ASTN2: variants seen among roughly 807,000 people sequenced by gnomAD.
The protein encoded by ASTN2 is astrotactin-2.
A neutral mutation model predicts 139.8 loss-of-function variants in ASTN2; 54 were observed. The ratio of observed to expected loss-of-function variants is 0.39; its 90% CI spans 0.31 to 0.48. The LOEUF (loss-of-function observed/expected upper bound fraction) is 0.48, where lower values mean the gene tolerates loss of function less well. Ranked by LOEUF, ASTN2 falls within the 20% of genes least tolerant of loss-of-function variation. The pLI is 0.95. For missense variants in ASTN2, 1,565 were observed against 1,725.1 expected, an observed-to-expected ratio of 0.91 and a Z score of 1.64; for synonymous variants, 756 against 719.5, an observed-to-expected ratio of 1.05 and a Z score of -0.81.
Position 117,060,501 on chromosome 9 carries a change from GAAA to G in ASTN2, c.1277-20539_1277-20537del, listed in dbSNP as rs1402956964. 6.8e-4 allele frequency among the ~76,000 whole-genome samples: 58 copies of G among 84,844 alleles called. 6 individuals are homozygous for G. The highest frequency in any genetic ancestry group is 5.4e-3 in the Middle Eastern group (1 of 186). 55.7% of individuals were successfully genotyped at this position (84,844 alleles called of 152,430 possible). A position where few individuals can be genotyped will look rare whatever the true frequency, so the allele number is the denominator to read the frequency against. ...GGAAGGAAGGAATGAAAGAAAGAAAGAAAGAAAGAAAGGAAGGAAGGAAGGAAG... is the reference window on the plus strand; with the variant it reads ...GGAAGGAAGGAATGAAAGAAAGAAAGGAAAGAAAGGAAGGAAGGAAGGAAG... On this transcript the variant is annotated intron_variant, in intron 5 of 22. Coordinates refer to ENST00000313400, the MANE Select transcript of ASTN2 (RefSeq NM_001365068.1).
chr9:117,120,012 GTGTGTGTATATATATATATA>G (rs1184088106), intron 4 of ASTN2, among the ~76,000 whole-genome samples: 4 of 68,780 alleles, frequency 5.8e-5, no homozygotes, highest in East Asian at 6.5e-4. Context: ...GTGTGTGTGT[GTGTGTGTATATATATATATA>G]TATATATATA....
intron 2 of ASTN2, among the ~76,000 whole-genome samples, chr9:117,258,987 T>G (rs578187662): frequency 3.3e-5 from 5 of 152,190 alleles, no homozygotes; most frequent in Non-Finnish European, 7.3e-5. Flanking sequence ...GCCAAGACAT[T>G]TCAAGTTTCT....
At chr9:116,776,837 G>A (rs1564261034) in intron 13 of ASTN2, among the ~76,000 whole-genome samples, 1 of 152,100 alleles carries the variant, frequency 6.6e-6, no homozygotes. Flanking sequence ...GGACGAATGT[G>A]CCCAGAGATA....
intron 20 of ASTN2, among the ~76,000 whole-genome samples, chr9:116,454,291 A>G (rs1848261023): frequency 6.6e-6 from 1 of 152,238 alleles, no homozygotes; most frequent in Non-Finnish European, 1.5e-5. Flanking sequence ...GTAGAATTTG[A>G]TAACAGAGAT....
intron 1 of ASTN2, among the ~76,000 whole-genome samples, chr9:117,360,600 C>T (rs963217125): frequency 4.6e-5 from 7 of 152,124 alleles, no homozygotes; most frequent in South Asian, 2.1e-4. Flanking sequence ...AATAACATAT[C>T]GTATGAGCTG....
intron 10 of ASTN2, among the ~76,000 whole-genome samples, chr9:116,879,648 T>A (rs1833401516): frequency 6.6e-6 from 1 of 152,138 alleles, no homozygotes; most frequent in Non-Finnish European, 1.5e-5. Context: ...AAACAGAGGG[T>A]CTGGAACACT....
In ASTN2 at chr9:116,698,319, C is replaced by T. The variant is rs568433214; in HGVS notation, c.2806+27452G>A. 11 of 1,614,118 alleles carry T rather than the reference C, an allele frequency of 6.8e-6. No individual in the cohort carries two copies. Among genetic ancestry groups the T allele is most frequent in the East Asian group, 6.7e-5 (3 of 44,874 alleles). On this transcript the variant is annotated intron_variant, in intron 16 of 22. Transcript: ENST00000313400. The surrounding 1 kb of genome is among the most constrained non-coding windows in gnomAD (Gnocchi z 4.4). Reference sequence around the variant, plus strand: ...TCTCCAGGAGTATGGGCATGAGGAGCGCAGGGTCCAGGATGAGCTGGCTCG... The same window carrying T: ...TCTCCAGGAGTATGGGCATGAGGAGTGCAGGGTCCAGGATGAGCTGGCTCG...
At chr9:117,244,571 A>AAGGG (rs143689553) in intron 2 of ASTN2, among the ~76,000 whole-genome samples, 88 of 101,862 alleles carry the variant, frequency 8.6e-4, no homozygotes, top group African/African-American at 3.8e-3. Context: ...GGAAGGAAGG[A>AAGGG]AGGGAGGGAG....
intron 20 of ASTN2, among the ~76,000 whole-genome samples, chr9:116,454,249 C>T (rs1159465062): frequency 1.3e-5 from 2 of 152,060 alleles, no homozygotes; most frequent in South Asian, 2.1e-4. Flanking sequence ...CCATACTGAA[C>T]AACTATAAAA....
At chr9:116,597,943 A>C (rs1294905933) in intron 19 of ASTN2, among the ~76,000 whole-genome samples, 8 of 152,192 alleles carry the variant, frequency 5.3e-5, no homozygotes. Context: ...CTGGAGACAA[A>C]CCTGGCAATT....
At chr9:116,666,528 T>C (rs1458572105) in intron 16 of ASTN2, among the ~76,000 whole-genome samples, 1 of 152,218 alleles carries the variant, frequency 6.6e-6, no homozygotes, top group African/African-American at 2.4e-5. Context: ...AGAATTATGA[T>C]AGACTGTCCG....
intron 19 of ASTN2, among the ~76,000 whole-genome samples, chr9:116,610,515 A>G (rs1486598463): frequency 6.6e-6 from 1 of 152,108 alleles, no homozygotes; most frequent in Non-Finnish European, 1.5e-5. Flanking sequence ...AAGGCAGGAG[A>G]ATCGCTTGAA....
intron 12 of ASTN2, among the ~76,000 whole-genome samples, chr9:116,816,566 G>T (rs191907699): frequency 2.7e-3 from 410 of 152,216 alleles, no homozygotes; most frequent in Middle Eastern, 0.01. Flanking sequence ...AATCATTATG[G>T]TTCTAAATAA....
chr9:116,428,928 G>C (rs1847401765), intron 22 of ASTN2, among the ~76,000 whole-genome samples: 1 of 152,202 alleles, frequency 6.6e-6, no homozygotes, highest in Non-Finnish European at 1.5e-5. Context: ...TTGAGAGTAA[G>C]TGGGAGAGTT....
chr9:117,008,806 A>G (rs997580145), intron 6 of ASTN2, among the ~76,000 whole-genome samples: 1 of 152,200 alleles, frequency 6.6e-6, no homozygotes, highest in Admixed American at 6.5e-5. Flanking sequence ...TAACATCAAT[A>G]GGAAAGACTG....
At chr9:117,397,908 C>A (rs550476468) in intron 1 of ASTN2, among the ~76,000 whole-genome samples, 284 of 152,268 alleles carry the variant, frequency 1.9e-3, no homozygotes, top group Non-Finnish European at 3.4e-3. Flanking sequence ...AGACACCCAC[C>A]CCCGACAGGT....
At chr9:117,257,921 G>A (rs1008006222) in intron 2 of ASTN2, among the ~76,000 whole-genome samples, 1 of 152,236 alleles carries the variant, frequency 6.6e-6, no homozygotes, top group African/African-American at 2.4e-5. Context: ...TGGGGATACT[G>A]TTGGACTACA....
chr9:116,978,539 C>G (rs1186886710), intron 7 of ASTN2, among the ~76,000 whole-genome samples: 1 of 149,294 alleles, frequency 6.7e-6, no homozygotes, highest in African/African-American at 2.4e-5. Flanking sequence ...ATAAACCTGT[C>G]ACCCTTGGAT....
At chr9:117,370,776 A>G (rs534505901) in intron 1 of ASTN2, among the ~76,000 whole-genome samples, 1 of 152,112 alleles carries the variant, frequency 6.6e-6, no homozygotes, top group African/African-American at 2.4e-5. Flanking sequence ...ATGAAATCAT[A>G]GCTCTCTCAA....
Sources: gnomAD v4.1 joint callset for allele counts (sites outside exome capture counted in the v4.1 genomes callset) on GRCh38, gnomAD v4.1.1 for gene constraint, Gnocchi (gnomAD v3.1) non-coding constraint, MANE v1.5 for transcripts, NCBI Gene and HGNC (gene_info 2026-07-23, HGNC 2026-07-21) for gene names.